Variants in KCNK9 observed in about 807,000 individuals in gnomAD.
The protein encoded by KCNK9 is potassium two pore domain channel subfamily K member 9.
In KCNK9, 1 loss-of-function variant was observed where a neutral mutation model predicts 10.8. The ratio of observed to expected loss-of-function variants is 0.09; its 90% confidence interval spans 0.03 to 0.44. The LOEUF is 0.44. KCNK9 is among the 20% of genes least tolerant of loss of function. The pLI is 0.97. For synonymous variants in KCNK9, 231 were observed against 222.7 expected, an observed-to-expected ratio of 1.04 and a Z score of -0.33; for missense variants, 303 against 515.0, an observed-to-expected ratio of 0.59 and a Z score of 3.98.
At chr8:139,629,028 GT>G (rs1483059881) in intron 1 of KCNK9, among the ~76,000 whole-genome samples, 1 of 152,216 alleles carries the variant, frequency 6.6e-6, no homozygotes, top group Non-Finnish European at 1.5e-5. Context: ...TCCGACTGCA[GT>G]CGGCCACTTT....
In KCNK9 at chr8:139,702,509, C is replaced by A. The variant is rs986397157; in HGVS notation, c.283+201G>T. ...CAGACACCAGCGCGGTGGAGAGCAC[C>A]GGGTGGGGTCCCCGAAGGGTGAGGC... On this transcript the variant is annotated intron_variant, in intron 1 of 1. Transcript: ENST00000520439. The surrounding 1 kb of genome is among the most constrained non-coding windows in gnomAD (Gnocchi z 7.5). Among the ~76,000 whole-genome samples, 5 of 151,954 alleles carry A rather than the reference C, an allele frequency of 3.3e-5. No individual in the cohort carries two copies. Among genetic ancestry groups the A allele is most frequent in the Non-Finnish European group, 7.4e-5 (5 of 67,972 alleles).
intron 1 of KCNK9, among the ~76,000 whole-genome samples, chr8:139,663,652 T>C (rs1486290446): frequency 1.5e-4 from 22 of 145,466 alleles, no homozygotes; most frequent in African/African-American, 5.8e-4. Context: ...TGCGCACGTG[T>C]GTGTGTGTGT....
chr8:139,620,041 T>C (rs766032363), intron 1 of KCNK9, among the ~76,000 whole-genome samples: 3 of 152,186 alleles, frequency 2.0e-5, no homozygotes, highest in Non-Finnish European at 2.9e-5. Context: ...AAGACTGTAT[T>C]TCCTCACATT....
At position 139,605,293 on chromosome 8, in the gene KCNK9, G is replaced by C. The variant is rs76807175; in HGVS notation, c.*1-3692C>G. ...GAGGTCAAACTCTTGGTTTGGTTTG[G>C]TTTGCTTTGGTTTCATTGCCTCCTG... On this transcript the variant is annotated intron_variant, in intron 2 of 2. Transcript: ENST00000650269. Among the ~76,000 whole-genome samples, 142 of 152,350 alleles carry C rather than the reference G, an allele frequency of 9.3e-4. No homozygotes were observed. The East Asian group carries it at 0.026, about 28-fold the overall frequency.
downstream of KCNK9, chr8:139,612,056 CA>C (rs1814442943): frequency 6.6e-6 from 1 of 152,188 alleles, no homozygotes; most frequent in Admixed American, 6.5e-5. Context: ...CAGAAGAGGA[CA>C]TCGCCAAGTC....
intron 1 of KCNK9, among the ~76,000 whole-genome samples, chr8:139,631,396 G>A (rs997189304): frequency 2.0e-5 from 3 of 152,134 alleles, no homozygotes; most frequent in African/African-American, 7.2e-5. Flanking sequence ...TCTGTGGCAC[G>A]GGTGAGAAAA....
intron 1 of KCNK9, among the ~76,000 whole-genome samples, chr8:139,678,978 G>A (rs1816622598): frequency 6.6e-6 from 1 of 152,244 alleles, no homozygotes; most frequent in African/African-American, 2.4e-5. Flanking sequence ...AAAGAACACT[G>A]GCTGAAAAGA....
At chr8:139,603,392 G>C (rs949509211) in intron 2 of KCNK9, among the ~76,000 whole-genome samples, 2 of 152,208 alleles carry the variant, frequency 1.3e-5, no homozygotes, top group African/African-American at 4.8e-5. Flanking sequence ...GGGAGCAAAA[G>C]GAAGTTGTGG....
At chr8:139,634,941 C>T (rs1815293754) in intron 1 of KCNK9, among the ~76,000 whole-genome samples, 1 of 152,122 alleles carries the variant, frequency 6.6e-6, no homozygotes. Flanking sequence ...CGGGCGGGGG[C>T]AGCCACCTCC....
chr8:139,648,748 C>T (rs1210987139), intron 1 of KCNK9, among the ~76,000 whole-genome samples: 1 of 152,234 alleles, frequency 6.6e-6, no homozygotes, highest in Non-Finnish European at 1.5e-5. Context: ...CACCAGGCCT[C>T]TGGACTCTTA....
chr8:139,680,111 G>A (rs1017314625), intron 1 of KCNK9, among the ~76,000 whole-genome samples: 1 of 152,134 alleles, frequency 6.6e-6, no homozygotes, highest in Non-Finnish European at 1.5e-5. Context: ...CAGGAGTGAT[G>A]CCCAAGGCCA....
At chr8:139,624,348 C>G (rs900439744) in intron 1 of KCNK9, among the ~76,000 whole-genome samples, 4 of 152,222 alleles carry the variant, frequency 2.6e-5, no homozygotes, top group African/African-American at 9.7e-5. Flanking sequence ...ACTGCTCACA[C>G]AGCAGCAGCA....
intron 1 of KCNK9, among the ~76,000 whole-genome samples, chr8:139,683,969 C>T (rs547128584): frequency 3.9e-5 from 6 of 152,310 alleles, no homozygotes; most frequent in African/African-American, 9.6e-5. Flanking sequence ...CCCTTCTGAC[C>T]TTTGCCCCCT....
At chr8:139,607,794 C>T (rs1251972406), downstream of KCNK9, among the ~76,000 whole-genome samples, 2 of 152,234 alleles carry the variant, frequency 1.3e-5, no homozygotes, top group African/African-American at 4.8e-5. Context: ...AATTCCCCCA[C>T]TGAAATGTCA....
chr8:139,652,975 A>G (rs1815912818), intron 1 of KCNK9, among the ~76,000 whole-genome samples: 1 of 152,198 alleles, frequency 6.6e-6, no homozygotes, highest in Non-Finnish European at 1.5e-5. Flanking sequence ...ACGTACAAGC[A>G]TCGTGTGCAG....
At chr8:139,701,059 G>C (rs1319138585) in intron 1 of KCNK9, among the ~76,000 whole-genome samples, 6 of 152,146 alleles carry the variant, frequency 3.9e-5, no homozygotes, top group African/African-American at 1.4e-4. Flanking sequence ...AGTTTCAGAG[G>C]CATATTTCTT....
intron 1 of KCNK9, among the ~76,000 whole-genome samples, chr8:139,671,511 C>CT (rs35081138): frequency 9.6e-4 from 128 of 132,728 alleles, no homozygotes; most frequent in South Asian, 2.0e-3. Context: ...TTTTTAGTTT[C>CT]TTTTTTTTTT....
intron 1 of KCNK9, among the ~76,000 whole-genome samples, chr8:139,668,992 C>A (rs1048723361): frequency 6.6e-6 from 1 of 152,196 alleles, no homozygotes; most frequent in Non-Finnish European, 1.5e-5. Flanking sequence ...AAGCCACACA[C>A]ATTTTTTGAT....
At position 139,632,629 on chromosome 8, in the gene KCNK9, TTCTGTTTCTGTCTCTGCC is replaced by T. The variant is rs1379734485; in HGVS notation, c.284-13548_284-13531del. Among the ~76,000 whole-genome samples the T allele has an allele frequency of 3.9e-4, 59 of 152,268 alleles. 1 individual carries two copies. The highest frequency in any genetic ancestry group is 1.4e-3 in the African/African-American group (58 of 41,546). ...GCCGTATGATTTTCTCTCTCTGACCTTCTGTTTCTGTCTCTGCCTCTGTTTCTCTCTCCCTGCTCCCAT... is the reference window on the plus strand; with the variant it reads ...GCCGTATGATTTTCTCTCTCTGACCTTCTGTTTCTCTCTCCCTGCTCCCAT... On this transcript the variant is annotated intron_variant, in intron 1 of 1. Coordinates refer to ENST00000520439, the MANE Select transcript of KCNK9 (RefSeq NM_001282534.2).
Sources: allele counts gnomAD v4.1 joint callset (sites outside exome capture counted in the v4.1 genomes callset), GRCh38; gene constraint gnomAD v4.1.1; non-coding constraint Gnocchi (gnomAD v3.1); transcripts MANE v1.5; gene names NCBI Gene and HGNC (gene_info 2026-07-23, HGNC 2026-07-21).